Variants in MTA1 observed in about 807,000 individuals in gnomAD.
MTA1 encodes metastasis associated 1.
Under a neutral mutation model 97.0 loss-of-function variants are expected in MTA1, and 15 were observed. The ratio of observed to expected loss-of-function variants is 0.15; its 90% confidence interval spans 0.10 to 0.24. MTA1 has a LOEUF of 0.24. MTA1 is among the 10% of genes least tolerant of loss of function. MTA1 has a pLI of 1.00. For missense variants in MTA1, 709 were observed against 1,015.1 expected, an observed-to-expected ratio of 0.70 and a Z score of 4.10; for synonymous variants, 435 against 417.5, an observed-to-expected ratio of 1.04 and a Z score of -0.51.
chr14:105,427,439 G>C (rs1331302039), intron 1 of MTA1, among the ~76,000 whole-genome samples: 1 of 152,214 alleles, frequency 6.6e-6, no homozygotes, highest in African/African-American at 2.4e-5. Context: ...CAGGCAGGCT[G>C]GGATGGGTCC....
In MTA1 at chr14:105,463,113, C is replaced by G. The variant is rs1328358377; in HGVS notation, c.943-71C>G. On this transcript the variant is annotated intron_variant, in intron 10 of 20. Coordinates refer to ENST00000331320, the MANE Select transcript of MTA1 (RefSeq NM_004689.4). This position sits in a 1 kb window ranked among gnomAD's most constrained non-coding sequence, Gnocchi z 5.9. ...CCTCTGTGGCCTTCTGGCCGCAGCC[C>G]TGCCCCTGCCTGCATGGTGTGCCTG... The G allele has an allele frequency of 6.8e-7, 1 of 1,478,132 alleles. No individual in the cohort carries two copies. Among genetic ancestry groups the G allele is most frequent in the Non-Finnish European group, 9.4e-7 (1 of 1,068,020 alleles). The allele number at this position is 1,478,132 out of a possible 1,614,324, so 91.6% of individuals were successfully genotyped here. A position where few individuals can be genotyped will look rare whatever the true frequency, so the allele number is the denominator to read the frequency against.
At chr14:105,441,444 G>T (rs1200614486) in intron 2 of MTA1, among the ~76,000 whole-genome samples, 1 of 152,198 alleles carries the variant, frequency 6.6e-6, no homozygotes, top group Non-Finnish European at 1.5e-5. Context: ...AAGCCGCAAG[G>T]CGTATGGGGC....
chr14:105,466,263 G>A (rs1470011837), intron 16 of MTA1, 163 bp from the exon 17 acceptor site: 8 of 638,538 alleles, frequency 1.3e-5, no homozygotes, highest in Non-Finnish European at 1.9e-5. Context: ...GTTCTGTGGT[G>A]ACCTCCCCAC....
chr14:105,470,395 G>A lies in MTA1; in HGVS notation c.*180G>A, dbSNP rs587664189. 2.4e-5 allele frequency: 13 copies of A among 539,084 alleles called. No individual in the cohort carries two copies. The highest frequency in any genetic ancestry group is 8.5e-5 in the Admixed American group (2 of 23,570). 33.4% of individuals were successfully genotyped at this position (539,084 alleles called of 1,614,324 possible). On this transcript the variant is annotated 3_prime_UTR_variant, in exon 21 of 21. Transcript: ENST00000331320. ...GGAAGAAGCGCGGCTAACTTATTCCGAGAATGCCGAGGAGTTGTCGTTTTT... is the reference window on the plus strand; with the variant it reads ...GGAAGAAGCGCGGCTAACTTATTCCAAGAATGCCGAGGAGTTGTCGTTTTT...
At chr14:105,454,072 T>C (rs2083050005) in intron 6 of MTA1, 121 bp from the exon 7 acceptor site, 2 of 689,682 alleles carry the variant, frequency 2.9e-6, no homozygotes, top group East Asian at 2.8e-5. Flanking sequence ...CCTGCGCCCA[T>C]GTCGCCCCAC....
In MTA1 at chr14:105,435,819, C is replaced by T. The variant is rs782060966; in HGVS notation, c.29-2853C>T. Among the ~76,000 whole-genome samples, 3 of 152,334 alleles carry T rather than the reference C, an allele frequency of 2.0e-5. No individual in the cohort carries two copies. In the East Asian group the frequency reaches 5.8e-4, roughly 29 times the overall value. On this transcript the variant is annotated intron_variant, in intron 1 of 20. Transcript: ENST00000331320. The stretch of plus-strand genomic sequence containing the variant: ...TCATTTAAGTTGTCAAGTTCTGTGG[C>T]ATAAAGTCCTCCATAATACTCCTTA...
chr14:105,462,197 C>T (rs1258710468), intron 10 of MTA1, among the ~76,000 whole-genome samples: 16 of 25,582 alleles, frequency 6.3e-4, no homozygotes, highest in African/African-American at 2.0e-3. Flanking sequence ...GGGAGCAGGC[C>T]CCGCTCTCCT....
rs1336934884 is a variant in MTA1, at chr14:105,436,928, C to T, written c.29-1744C>T. ...GTTGCACAAGCGTGGACACATCCTGCATTCAGAACACTCCTGTAGCCGTGA... is the reference window on the plus strand; with the variant it reads ...GTTGCACAAGCGTGGACACATCCTGTATTCAGAACACTCCTGTAGCCGTGA... On this transcript the variant is annotated intron_variant, in intron 1 of 20. Transcript: ENST00000331320. 4.6e-5 allele frequency among the ~76,000 whole-genome samples: 7 copies of T among 152,258 alleles called. No individual in the cohort carries two copies. The East Asian group carries it at 1.3e-3, about 29-fold the overall frequency.
chr14:105,443,324 C>T (rs1555426272), intron 2 of MTA1, among the ~76,000 whole-genome samples: 2 of 152,172 alleles, frequency 1.3e-5, no homozygotes, highest in Admixed American at 1.3e-4. Context: ...GCCCGGCTCC[C>T]GGCAGGCTGT....
intron 18 of MTA1, 115 bp downstream of exon 18, chr14:105,466,857 G>A (rs2083613232): frequency 9.3e-7 from 1 of 1,070,918 alleles, no homozygotes; most frequent in Non-Finnish European, 1.3e-6. Flanking sequence ...GGCAGTCCAC[G>A]TGAGCCAGGC....
intron 16 of MTA1, chr14:105,465,459 C>CG (rs1254513788): frequency 4.0e-5 from 12 of 302,412 alleles, no homozygotes; most frequent in African/African-American, 2.4e-4. Context: ...AAGGCACACC[C>CG]GGGGGCTTCC....
In MTA1 at chr14:105,464,297, C is replaced by T. The variant is rs1300348755; in HGVS notation, c.1193-119C>T. 535 of 1,002,540 alleles carry T rather than the reference C, an allele frequency of 5.3e-4. 1 individual carries two copies. Among genetic ancestry groups the T allele is most frequent in the Middle Eastern group, 4.7e-3 (11 of 2,352 alleles). The allele number at this position is 1,002,540 out of a possible 1,614,324, so 62.1% of individuals were successfully genotyped here. On this transcript the variant is annotated intron_variant, in intron 13 of 20. Coordinates refer to ENST00000331320, the MANE Select transcript of MTA1 (RefSeq NM_004689.4). ...CCCAGGGGTGTGGTTGGGAGAGCCT[C>T]GGGGAACGTGTGGGGGTGCCTGGCG...
chr14:105,452,528 A>C (rs1453066962), intron 6 of MTA1, among the ~76,000 whole-genome samples: 1 of 152,224 alleles, frequency 6.6e-6, no homozygotes, highest in Non-Finnish European at 1.5e-5. Flanking sequence ...AAAGTAAAAA[A>C]CATTAGCCAG....
chr14:105,467,538 G>A (rs782094846), intron 18 of MTA1: 35 of 454,028 alleles, frequency 7.7e-5, no homozygotes, highest in Non-Finnish European at 1.3e-4. Context: ...CGGCTGCAGC[G>A]CAGGGTGGGC....
chr14:105,454,049 G>A (rs782405502), intron 6 of MTA1, 144 bp from the exon 7 acceptor site: 209 of 582,506 alleles, frequency 3.6e-4, no homozygotes, highest in Non-Finnish European at 5.6e-4. Context: ...GGGCTCCTGC[G>A]CCCTCCCTCC....
rs587651679 is a variant in MTA1, at chr14:105,440,822, C to T, written c.96+2083C>T. Among the ~76,000 whole-genome samples the T allele has an allele frequency of 1.0e-3, 154 of 152,358 alleles. 3 individuals carry two copies. The highest frequency in any genetic ancestry group is 7.5e-3 in the South Asian group (36 of 4,822). On this transcript the variant is annotated intron_variant, in intron 2 of 20. Transcript: ENST00000331320. The stretch of plus-strand genomic sequence containing the variant: ...GACAGAGTGCGGCCAGTGCCCTCCA[C>T]GCCAAGGAGCTCCAGGCGGGGCTTC...
intron 15 of MTA1, 68 bp downstream of exon 15, chr14:105,464,931 G>A: frequency 6.7e-7 from 1 of 1,488,852 alleles, no homozygotes; most frequent in Non-Finnish European, 8.9e-7. Context: ...CAACCTTGGG[G>A]CCCAGCCTGT....
rs587758148 is a variant in MTA1 at position 105,424,753 on chromosome 14, C to T, written c.28+4690C>T. Among the ~76,000 whole-genome samples the T allele has an allele frequency of 2.6e-5, 4 of 152,312 alleles. No individual in the cohort carries two copies. The South Asian group carries it at 8.3e-4, about 32-fold the overall frequency. ...TCAAGTGATCCACCCGCCTCGGCCT[C>T]CCAAAGTGCTGGGATTACAGGCGTG... On this transcript the variant is annotated intron_variant, in intron 1 of 20. Transcript: ENST00000331320. The surrounding 1 kb of genome is among the most constrained non-coding windows in gnomAD (Gnocchi z 4.0).
At chr14:105,441,710 C>T (rs375224298) in intron 2 of MTA1, among the ~76,000 whole-genome samples, 59 of 152,244 alleles carry the variant, frequency 3.9e-4, no homozygotes, top group Admixed American at 1.4e-3. Flanking sequence ...AGGAGAATGG[C>T]GTGAACCCGG....
Sources: allele counts gnomAD v4.1 joint callset (sites outside exome capture counted in the v4.1 genomes callset), GRCh38; gene constraint gnomAD v4.1.1; non-coding constraint Gnocchi (gnomAD v3.1); transcripts MANE v1.5; gene names NCBI Gene and HGNC (gene_info 2026-07-23, HGNC 2026-07-21).